Variants in FHIT observed in about 807,000 individuals in gnomAD.
FHIT encodes the protein bis(5'-adenosyl)-triphosphatase.
In FHIT, 19 loss-of-function variants were observed where a neutral mutation model predicts 17.9. That is an observed-to-expected ratio of 1.06 (90% CI 0.74 to 1.56). The LOEUF is 1.56. Ranked by LOEUF, FHIT falls within the 40% of genes most tolerant of loss-of-function variation. The pLI is 0.00. For synonymous variants in FHIT, 81 were observed against 69.7 expected, an observed-to-expected ratio of 1.16 and a Z score of -0.81; for missense variants, 248 against 189.2, an observed-to-expected ratio of 1.31 and a Z score of -1.82.
rs1401340533 is a variant in FHIT, at chr3:60,123,965, AAAATATATATATAT to A, written c.104-109827_104-109814del. 3.5e-3 allele frequency among the ~76,000 whole-genome samples: 190 copies of A among 54,490 alleles called. 4 individuals carry two copies. Among genetic ancestry groups the A allele is most frequent in the Middle Eastern group, 8.2e-3 (1 of 122 alleles). 35.7% of individuals were successfully genotyped at this position (54,490 alleles called of 152,430 possible). A position where few individuals can be genotyped will look rare whatever the true frequency, so the allele number is the denominator to read the frequency against. ...CACTTCCATTAACAGAAATGCACTA[AAAATATATATATAT>A]ATATATATATATATATATATATATA... is the stretch of plus-strand genomic sequence containing the variant. On this transcript the variant is annotated intron_variant, in intron 5 of 9. Transcript: ENST00000492590.
At chr3:60,131,054 C>CATATGTGT (rs762804235) in intron 5 of FHIT, among the ~76,000 whole-genome samples, 7 of 74,224 alleles carry the variant, frequency 9.4e-5, no homozygotes, top group South Asian at 9.7e-4. Context: ...CACATATATA[C>CATATGTGT]ATACATACAC....
chr3:60,640,671 G>C (rs1257340425), intron 4 of FHIT, among the ~76,000 whole-genome samples: 7 of 152,064 alleles, frequency 4.6e-5, no homozygotes, highest in African/African-American at 1.7e-4. Context: ...ATGCATGGAT[G>C]TCATATGGCT....
intron 5 of FHIT, among the ~76,000 whole-genome samples, chr3:60,177,262 A>C (rs943509730): frequency 6.6e-6 from 1 of 151,066 alleles, no homozygotes; most frequent in African/African-American, 2.5e-5. Context: ...CAATAAGCCA[A>C]GGTTAAAAAA....
At chr3:60,980,058 T>C (rs1028876931) in intron 3 of FHIT, among the ~76,000 whole-genome samples, 1 of 152,234 alleles carries the variant, frequency 6.6e-6, no homozygotes, top group African/African-American at 2.4e-5. Context: ...CTCAAATTCA[T>C]CTACTCAAAA....
chr3:60,353,656 T>C (rs1699517611), intron 5 of FHIT, among the ~76,000 whole-genome samples: 1 of 152,128 alleles, frequency 6.6e-6, no homozygotes, highest in African/African-American at 2.4e-5. Context: ...GAGCTTTTGT[T>C]AGAAAAAGTT....
chr3:60,919,648 T>C (rs183259618), intron 3 of FHIT, among the ~76,000 whole-genome samples: 2 of 152,146 alleles, frequency 1.3e-5, no homozygotes, highest in African/African-American at 2.4e-5. Context: ...ATAACCAATA[T>C]ACAAACAAGG....
At chr3:60,804,344 T>A (rs1701306790) in intron 4 of FHIT, among the ~76,000 whole-genome samples, 1 of 152,150 alleles carries the variant, frequency 6.6e-6, no homozygotes, top group Non-Finnish European at 1.5e-5. Context: ...TTGCACCATT[T>A]GCAAATCTAT....
intron 5 of FHIT, among the ~76,000 whole-genome samples, chr3:60,259,074 C>A (rs1445160740): frequency 6.6e-6 from 1 of 151,548 alleles, no homozygotes; most frequent in African/African-American, 2.4e-5. Context: ...AAAAGACCTA[C>A]CTTGATGTGG....
chr3:60,827,558 T>C (rs1167345363), intron 3 of FHIT, among the ~76,000 whole-genome samples: 1 of 152,226 alleles, frequency 6.6e-6, no homozygotes, highest in African/African-American at 2.4e-5. Context: ...ACATGGAAAT[T>C]AGACTTTTCA....
intron 5 of FHIT, among the ~76,000 whole-genome samples, chr3:60,315,097 A>T (rs1709107146): frequency 6.6e-6 from 1 of 152,126 alleles, no homozygotes; most frequent in African/African-American, 2.4e-5. Flanking sequence ...GCATGTGGCG[A>T]GAGAAAGGGA....
At chr3:59,966,725 T>C (rs904663425) in intron 7 of FHIT, among the ~76,000 whole-genome samples, 3 of 152,146 alleles carry the variant, frequency 2.0e-5, no homozygotes, top group African/African-American at 7.2e-5. Context: ...TGAATGGAGC[T>C]TGTTGGATTG....
At chr3:59,921,120 C>T (rs750043283) in intron 8 of FHIT, among the ~76,000 whole-genome samples, 1 of 152,194 alleles carries the variant, frequency 6.6e-6, no homozygotes, top group African/African-American at 2.4e-5. Flanking sequence ...GGAAAACATA[C>T]AAAGCAAAAG....
intron 5 of FHIT, among the ~76,000 whole-genome samples, chr3:60,222,247 G>C (rs537824014): frequency 1.3e-5 from 2 of 151,920 alleles, no homozygotes; most frequent in Non-Finnish European, 2.9e-5. Flanking sequence ...TTCATTCTGA[G>C]CCAGGATTCA....
intron 5 of FHIT, among the ~76,000 whole-genome samples, chr3:60,221,734 AC>A (rs918204317): frequency 1.3e-5 from 2 of 152,012 alleles, no homozygotes; most frequent in African/African-American, 4.8e-5. Context: ...AGCCTGGAAT[AC>A]CCTTCCCATA....
chr3:60,439,581 G>C (rs2030609249), intron 5 of FHIT, among the ~76,000 whole-genome samples: 1 of 151,834 alleles, frequency 6.6e-6, no homozygotes, highest in Non-Finnish European at 1.5e-5. Flanking sequence ...GTGATTCCTG[G>C]TCTCAGTCAG....
chr3:60,635,973 ACC>A (rs1188885827), intron 4 of FHIT, among the ~76,000 whole-genome samples: 1 of 152,016 alleles, frequency 6.6e-6, no homozygotes, highest in African/African-American at 2.4e-5. Context: ...TAGTTTGTCA[ACC>A]CCTGCTCAGG....
chr3:60,833,755 G>A (rs1375048097), intron 3 of FHIT, among the ~76,000 whole-genome samples: 2 of 152,056 alleles, frequency 1.3e-5, no homozygotes, highest in African/African-American at 2.4e-5. Context: ...CCATCCCAGG[G>A]ATCCTCTTGT....
chr3:61,174,850 T>C (rs968086832), intron 2 of FHIT, among the ~76,000 whole-genome samples: 3 of 152,232 alleles, frequency 2.0e-5, no homozygotes, highest in African/African-American at 4.8e-5. Context: ...GGGATACTTG[T>C]GAGGGTACCA....
At chr3:60,862,479 G>C (rs1703958370) in intron 3 of FHIT, among the ~76,000 whole-genome samples, 1 of 152,028 alleles carries the variant, frequency 6.6e-6, no homozygotes. Flanking sequence ...AAAATATGAT[G>C]GATTTTTCAA....
Sources: gnomAD v4.1 joint callset for allele counts (sites outside exome capture counted in the v4.1 genomes callset) on GRCh38, gnomAD v4.1.1 for gene constraint, MANE v1.5 for transcripts, NCBI Gene and HGNC (gene_info 2026-07-23, HGNC 2026-07-21) for gene names.